CTNNA3: variants seen among roughly 807,000 people sequenced by gnomAD.
CTNNA3 encodes catenin alpha 3, also known as catenin alpha-3.
In CTNNA3, 76 loss-of-function variants were observed where a neutral mutation model predicts 95.7. The observed-to-expected ratio is 0.79, with a 90% CI of 0.66 to 0.96. CTNNA3 has a LOEUF of 0.96. Ranked by LOEUF, CTNNA3 falls within the 40% of genes least tolerant of loss-of-function variation. The pLI is 0.00. For missense variants in CTNNA3, 1,191 were observed against 1,089.8 expected (o/e 1.09, Z -1.31); for synonymous variants, 431 against 374.4 (o/e 1.15, Z -1.74).
intron 10 of CTNNA3, among the ~76,000 whole-genome samples, chr10:66,575,154 CG>C (rs913154109): frequency 6.6e-6 from 1 of 152,054 alleles, no homozygotes; most frequent in Non-Finnish European, 1.5e-5. Flanking sequence ...CTCTTTTCTC[CG>C]GAAGAGAGGC....
chr10:67,736,224 T>A (rs1841301409), intron 1 of CTNNA3, among the ~76,000 whole-genome samples: 1 of 152,120 alleles, frequency 6.6e-6, no homozygotes, highest in Admixed American at 6.6e-5. Context: ...TCCACTTATA[T>A]GAGAGACCTA....
chr10:67,720,060 T>G (rs1053821978), intron 1 of CTNNA3, among the ~76,000 whole-genome samples: 1 of 151,372 alleles, frequency 6.6e-6, no homozygotes, highest in African/African-American at 2.4e-5. Context: ...TGTAATGCCC[T>G]TCTTTGTCTT....
chr10:66,209,767 C>G (rs1298416148), intron 13 of CTNNA3, among the ~76,000 whole-genome samples: 2 of 152,102 alleles, frequency 1.3e-5, no homozygotes, highest in Non-Finnish European at 2.9e-5. Context: ...GGACATAGGA[C>G]AGTAAACCAT....
At chr10:66,261,822 T>C (rs10822780) in intron 13 of CTNNA3, among the ~76,000 whole-genome samples, 36,989 of 151,682 alleles carry the variant, frequency 0.24, 4,809 homozygotes, top group African/African-American at 0.31. Context: ...AGGAACAGAA[T>C]CAACATGAGA....
intron 1 of CTNNA3, among the ~76,000 whole-genome samples, chr10:67,705,438 C>G (rs1437384274): frequency 6.7e-6 from 1 of 148,496 alleles, no homozygotes; most frequent in Non-Finnish European, 1.5e-5. Context: ...CCATGGAATA[C>G]TATGCAGCCA....
chr10:66,662,355 G>A (rs551832595), intron 9 of CTNNA3, among the ~76,000 whole-genome samples: 4 of 152,234 alleles, frequency 2.6e-5, no homozygotes, highest in South Asian at 2.1e-4. Context: ...TTAAGAGGGC[G>A]TTTAGCATAC....
chr10:66,128,970 A>G (rs2082958624), intron 13 of CTNNA3, among the ~76,000 whole-genome samples: 1 of 135,950 alleles, frequency 7.4e-6, no homozygotes, highest in Admixed American at 7.1e-5. Flanking sequence ...AACAAAAAAC[A>G]AAAAAAAAAC....
intron 10 of CTNNA3, among the ~76,000 whole-genome samples, chr10:66,567,257 A>G (rs7077638): frequency 0.53 from 80,240 of 151,598 alleles, 21,522 homozygotes; most frequent in South Asian, 0.73. Flanking sequence ...GGAGCCTATG[A>G]AGAAAGAGAT....
intron 7 of CTNNA3, among the ~76,000 whole-genome samples, chr10:66,865,895 G>A (rs1289643597): frequency 6.6e-6 from 1 of 151,910 alleles, no homozygotes; most frequent in Non-Finnish European, 1.5e-5. Flanking sequence ...GTGGTTTTAG[G>A]AAAAATAAAA....
At chr10:67,330,803 TAAACTGGTATTTCACCCTGCC>T (rs1841757098) in intron 5 of CTNNA3, among the ~76,000 whole-genome samples, 1 of 151,846 alleles carries the variant, frequency 6.6e-6, no homozygotes, top group South Asian at 2.1e-4. Flanking sequence ...ATACCTGGGA[TAAACTGGTATTTCACCCTGCC>T]AAAGAGAAGT....
chr10:66,636,621 T>A (rs1002262093), intron 9 of CTNNA3, among the ~76,000 whole-genome samples: 2 of 152,170 alleles, frequency 1.3e-5, no homozygotes, highest in Non-Finnish European at 2.9e-5. Context: ...CAGTGGGTTC[T>A]TAAAGCTTCT....
intron 5 of CTNNA3, among the ~76,000 whole-genome samples, chr10:67,264,243 C>A (rs948804190): frequency 6.6e-6 from 1 of 152,204 alleles, no homozygotes; most frequent in East Asian, 1.9e-4. Flanking sequence ...AAAGCCCTGG[C>A]GGTAGGAAGG....
intron 9 of CTNNA3, among the ~76,000 whole-genome samples, chr10:66,669,341 C>T (rs538982285): frequency 1.1e-4 from 16 of 151,898 alleles, no homozygotes; most frequent in Admixed American, 2.0e-4. Context: ...GTCAGGAGTT[C>T]GAGACCATCC....
chr10:66,040,263 A>G (rs1018381371), intron 15 of CTNNA3, among the ~76,000 whole-genome samples: 2 of 152,146 alleles, frequency 1.3e-5, no homozygotes, highest in African/African-American at 4.8e-5. Flanking sequence ...AGAAATGCTT[A>G]TACACTATTG....
chr10:67,327,538 G>C (rs971709169), intron 5 of CTNNA3, among the ~76,000 whole-genome samples: 6 of 152,160 alleles, frequency 3.9e-5, no homozygotes, highest in African/African-American at 9.7e-5. Context: ...TGTAACTCTG[G>C]GGGACTTGTA....
chr10:66,813,618 A>G (rs1841966350), intron 7 of CTNNA3, among the ~76,000 whole-genome samples: 1 of 152,194 alleles, frequency 6.6e-6, no homozygotes, highest in Non-Finnish European at 1.5e-5. Flanking sequence ...ATTAAAAGTT[A>G]ATTATGTTTC....
intron 1 of CTNNA3, among the ~76,000 whole-genome samples, chr10:67,668,579 G>A (rs1251514632): frequency 6.6e-6 from 1 of 152,140 alleles, no homozygotes; most frequent in Non-Finnish European, 1.5e-5. Context: ...TGAAAATCTA[G>A]ATGGCCTCTA....
At chr10:66,318,209 ATAGT>A (rs1183439422) in intron 12 of CTNNA3, among the ~76,000 whole-genome samples, 3 of 151,404 alleles carry the variant, frequency 2.0e-5, no homozygotes, top group African/African-American at 7.3e-5. Flanking sequence ...TCATCTATGA[ATAGT>A]TAGTGGAATC....
chr10:66,093,762 G>A (rs552846932), intron 14 of CTNNA3, among the ~76,000 whole-genome samples: 1 of 152,034 alleles, frequency 6.6e-6, no homozygotes, highest in East Asian at 1.9e-4. Flanking sequence ...ACAACTGTTG[G>A]AAGAAAAAAG....
Sources: allele counts gnomAD v4.1 joint callset (sites outside exome capture counted in the v4.1 genomes callset), GRCh38; gene constraint gnomAD v4.1.1; transcripts MANE v1.5; gene names NCBI Gene and HGNC (gene_info 2026-07-23, HGNC 2026-07-21).